Variants in SSX3 observed in about 807,000 individuals in gnomAD.
SSX3 encodes SSX family member 3.
A neutral mutation model predicts 14.8 loss-of-function variants in SSX3; 6 were observed. The observed-to-expected ratio is 0.41, with a 90% CI of 0.22 to 0.80. SSX3 has a LOEUF of 0.80. Among genes scored for constraint, SSX3 ranks in the 30% least tolerant of loss-of-function variants. The pLI, the probability that SSX3 is intolerant of heterozygous loss-of-function variation, is 0.34. For synonymous variants in SSX3, 55 were observed against 52.9 expected (o/e 1.04, Z -0.18); for missense variants, 163 against 152.2 (o/e 1.07, Z -0.37).
At chrX:48,354,409 A>G (rs1285633729) in intron 3 of SSX3, among the ~76,000 whole-genome samples, 10 of 109,521 alleles carry the variant, frequency 9.1e-5, no homozygotes, top group Non-Finnish European at 1.7e-4. Flanking sequence ...GAAGCCTAAG[A>G]GAGAGAAACG....
chrX:48,355,203 T>C lies in SSX3; in HGVS notation c.47A>G (p.Gln16Arg). ...TFARRPTVGAQIPEKIQKAFD... is the reference protein window; with the variant it reads ...TFARRPTVGARIPEKIQKAFD... ...CACCTTTTGTATCTTCTCTGGTATTTGAGCACCAACCGTGGGTCTCCTTGC... is the reference window on the plus strand; with the variant it reads ...CACCTTTTGTATCTTCTCTGGTATTCGAGCACCAACCGTGGGTCTCCTTGC... Residue 16 changes from glutamine to arginine, a missense_variant, in exon 2 of 8, where the codon CAA (glutamine) becomes CGA (arginine). Transcript: ENST00000298396. 1.7e-6 allele frequency: 2 copies of C among 1,211,593 alleles called. No individual in the cohort carries two copies. Among genetic ancestry groups the C allele is most frequent in the Non-Finnish European group, 2.2e-6 (2 of 895,269 alleles).
intron 6 of SSX3, 38 bp from the exon 7 acceptor site, chrX:48,347,642 G>T: frequency 4.1e-6 from 5 of 1,208,744 alleles, no homozygotes; most frequent in Non-Finnish European, 5.6e-6. Flanking sequence ...GGGTTGGGTA[G>T]GTTGGAGAGT....
rs782650359 is a variant in SSX3, at chrX:48,350,748, C to A, written c.331-626G>T. Among the ~76,000 whole-genome samples, 4 of 109,210 alleles carry A rather than the reference C, an allele frequency of 3.7e-5. No individual in the cohort carries two copies. In the South Asian group the frequency reaches 1.6e-3, roughly 44 times the overall value. The allele number at this position is 109,210 out of a possible 115,157, so 94.8% of individuals were successfully genotyped here. The stretch of plus-strand genomic sequence containing the variant: ...TTGCATTGGGATGTGTACTGACCAA[C>A]AATCTTAAGCTGCTTTCTTTTTCTT... On this transcript the variant is annotated intron_variant, in intron 5 of 7. Coordinates refer to ENST00000298396, the MANE Select transcript of SSX3 (RefSeq NM_021014.4).
chrX:48,348,872 T>G (rs1217045900), intron 6 of SSX3, among the ~76,000 whole-genome samples: 1 of 111,852 alleles, frequency 8.9e-6, no homozygotes, highest in Non-Finnish European at 1.9e-5. Flanking sequence ...TTCAAATCCA[T>G]GAAAGCTGAG....
In SSX3 at chrX:48,353,889, T is replaced by A. The variant is rs190033660; in HGVS notation, c.280+110A>T. 2,029 of 814,293 alleles carry A rather than the reference T, an allele frequency of 2.5e-3. 25 individuals carry two copies. In the African/African-American group the frequency reaches 0.034, roughly 14 times the overall value. The allele number at this position is 814,293 out of a possible 1,213,427, so 67.1% of individuals were successfully genotyped here. A position where few individuals can be genotyped will look rare whatever the true frequency, so the allele number is the denominator to read the frequency against. Reference sequence around the variant, plus strand: ...CTGCATGCAATTTTTTTTTTCACTCTGCCCCGATGTGTATGAGGGAACAAA... The same window carrying A: ...CTGCATGCAATTTTTTTTTTCACTCAGCCCCGATGTGTATGAGGGAACAAA... On this transcript the variant is annotated intron_variant, in intron 4 of 7. Transcript: ENST00000298396.
In SSX3 at chrX:48,352,307, G is replaced by A; in HGVS notation, c.281-158C>T. ...TGCTTCTGAATTATGTTTAGTCATG[G>A]TTGATGCATTTATCTGTGGCATCAA... On this transcript the variant is annotated intron_variant, in intron 4 of 7. Transcript: ENST00000298396. 6.2e-6 allele frequency: 4 copies of A among 647,568 alleles called. 1 individual carries two copies. The highest frequency in any genetic ancestry group is 9.6e-6 in the Non-Finnish European group (4 of 415,266). The allele number at this position is 647,568 out of a possible 1,213,427, so 53.4% of individuals were successfully genotyped here. A position where few individuals can be genotyped will look rare whatever the true frequency, so the allele number is the denominator to read the frequency against.
Position 48,354,602 on chromosome X carries a change from G to C in SSX3, c.184+30C>G, listed in dbSNP as rs200493201. On this transcript the variant is annotated intron_variant, in intron 3 of 7. Coordinates refer to ENST00000298396, the MANE Select transcript of SSX3 (RefSeq NM_021014.4). ...GAAAAGGGATGCTCATGTGTCCCCA[G>C]ACTTGTCTGTACCTAGAACTTTCTG... 3.5e-4 allele frequency: 415 copies of C among 1,178,138 alleles called. 1 individual carries two copies. The highest frequency in any genetic ancestry group is 1.4e-4 in the Non-Finnish European group (126 of 870,395).
At chrX:48,353,410 G>A (rs1184347264) in intron 4 of SSX3, among the ~76,000 whole-genome samples, 1 of 110,769 alleles carries the variant, frequency 9.0e-6, no homozygotes, top group Non-Finnish European at 1.9e-5. Context: ...GATCACCTGA[G>A]GTCAGGAAGT....
chrX:48,351,946 T>A (rs1412535233), intron 5 of SSX3, 154 bp downstream of exon 5: 1 of 649,289 alleles, frequency 1.5e-6, no homozygotes, highest in Non-Finnish European at 2.4e-6. Context: ...CAAATGTTGG[T>A]ACTATCAAGC....
In SSX3 at chrX:48,354,064, C is replaced by T. The variant is rs782421029; in HGVS notation, c.215G>A (p.Arg72His). Residue 72 changes from arginine to histidine, a missense_variant, in exon 4 of 8, where the codon CGT becomes CAT. Coordinates refer to ENST00000298396, the MANE Select transcript of SSX3 (RefSeq NM_021014.4). ...CTGGAAGTCTGTGACCCGTTTATTA[C>T]GCATGAAAGATGGGAGGATGGCCTT... ...GFKAILPSFM[R>H]NKRVTDFQGN... 1.7e-5 allele frequency: 20 copies of T among 1,206,111 alleles called. No homozygotes were observed. The highest frequency in any genetic ancestry group is 5.9e-5 in the East Asian group (2 of 33,626).
intron 7 of SSX3, 121 bp from the exon 8 acceptor site, chrX:48,347,156 T>C: frequency 1.1e-6 from 1 of 929,595 alleles, no homozygotes; most frequent in Non-Finnish European, 1.5e-6. Flanking sequence ...TCTCAGGACC[T>C]GCACACACCT....
chrX:48,351,621 T>C lies in SSX3; in HGVS notation c.330+479A>G, dbSNP rs2061263501. Among the ~76,000 whole-genome samples, 3 of 112,245 alleles carry C rather than the reference T, an allele frequency of 2.7e-5. No individual in the cohort carries two copies. The Admixed American group carries it at 2.8e-4, about 11-fold the overall frequency. ...ATTAGACTACCACTGACACTGCGCC[T>C]CAGGAAAATTCTTTAACATCTCTGT... On this transcript the variant is annotated intron_variant, in intron 5 of 7. Coordinates refer to ENST00000298396, the MANE Select transcript of SSX3 (RefSeq NM_021014.4).
chrX:48,346,865 A>T lies in SSX3; in HGVS notation c.*175T>A. Reference sequence around the variant, plus strand: ...TTCAAGAAAATACAATGGAAACGCTAATATCGTACTCTTGGCACACTAAGA... The same window carrying T: ...TTCAAGAAAATACAATGGAAACGCTTATATCGTACTCTTGGCACACTAAGA... On this transcript the variant is annotated 3_prime_UTR_variant, in exon 8 of 8. Coordinates refer to ENST00000298396, the MANE Select transcript of SSX3 (RefSeq NM_021014.4). 1.2e-6 allele frequency: 1 copy of T among 819,294 alleles called. No individual in the cohort carries two copies. Among genetic ancestry groups the T allele is most frequent in the Non-Finnish European group, 1.8e-6 (1 of 559,467 alleles). 67.5% of individuals were successfully genotyped at this position (819,294 alleles called of 1,213,427 possible). A position where few individuals can be genotyped will look rare whatever the true frequency, so the allele number is the denominator to read the frequency against.
At chrX:48,353,489 G>A (rs1468832537) in intron 4 of SSX3, among the ~76,000 whole-genome samples, 30 of 111,150 alleles carry the variant, frequency 2.7e-4, no homozygotes, top group Admixed American at 2.0e-3. Flanking sequence ...GCTGAGTGTG[G>A]GGGCACGTGC....
At chrX:48,352,734 CA>C (rs2061268426) in intron 4 of SSX3, among the ~76,000 whole-genome samples, 1 of 112,164 alleles carries the variant, frequency 8.9e-6, no homozygotes, top group Admixed American at 9.5e-5. Context: ...ACGGTTTGGA[CA>C]TTCTGACCTT....
At chrX:48,353,929 TC>T in intron 4 of SSX3, 69 bp downstream of exon 4, 1 of 1,081,772 alleles carries the variant, frequency 9.2e-7, no homozygotes, top group East Asian at 3.1e-5. Flanking sequence ...TGAGGCTCTT[TC>T]CCAGGTAGCT....
At chrX:48,353,798 TA>T (rs1252696013) in intron 4 of SSX3, among the ~76,000 whole-genome samples, 200 bp downstream of exon 4, 3 of 110,501 alleles carry the variant, frequency 2.7e-5, no homozygotes, top group Admixed American at 9.6e-5. Context: ...TTATTATCCA[TA>T]AAAATATATA....
chrX:48,354,892 G>A (rs2061279798), intron 2 of SSX3, 146 bp from the exon 3 acceptor site: 1 of 1,194,959 alleles, frequency 8.4e-7, no homozygotes. Flanking sequence ...GAACATGAGG[G>A]ACCTTCCTAG....
At chrX:48,347,930 C>T (rs2061245724) in intron 6 of SSX3, among the ~76,000 whole-genome samples, 1 of 112,502 alleles carries the variant, frequency 8.9e-6, no homozygotes, top group African/African-American at 3.2e-5. Context: ...TTTTGTTGCA[C>T]TTCATGTTCA....
Sources: gnomAD v4.1 joint callset for allele counts (sites outside exome capture counted in the v4.1 genomes callset) on GRCh38, gnomAD v4.1.1 for gene constraint, MANE v1.5 for transcripts, NCBI Gene and HGNC (gene_info 2026-07-23, HGNC 2026-07-21) for gene names.